The following PCCA variants were observed in gnomAD, a reference collection of about 807,000 sequenced individuals.
The protein encoded by PCCA is propionyl-CoA carboxylase alpha chain, mitochondrial.
In PCCA, 74 loss-of-function variants were observed where a neutral mutation model predicts 101.3. The ratio of observed to expected loss-of-function variants is 0.73; its 90% CI spans 0.61 to 0.89. The LOEUF is 0.89. Ranked by LOEUF, PCCA falls within the 40% of genes least tolerant of loss-of-function variation. PCCA has a pLI of 0.00. For missense variants in PCCA, 891 were observed against 907.0 expected (o/e 0.98, Z 0.23); for synonymous variants, 294 against 313.6 (o/e 0.94, Z 0.66).
At chr13:100,158,325 T>C (rs914030230) in intron 6 of PCCA, among the ~76,000 whole-genome samples, 13 of 152,248 alleles carry the variant, frequency 8.5e-5, no homozygotes, top group African/African-American at 3.1e-4. Flanking sequence ...CTTCCACGGA[T>C]TGGAAATTAT....
intron 12 of PCCA, among the ~76,000 whole-genome samples, chr13:100,277,829 A>C (rs2063774551): frequency 6.6e-6 from 1 of 152,212 alleles, no homozygotes. Flanking sequence ...TCACATGAAT[A>C]TAATCACCAA....
intron 19 of PCCA, among the ~76,000 whole-genome samples, chr13:100,372,964 G>A (rs1389495146): frequency 6.6e-6 from 1 of 151,998 alleles, no homozygotes; most frequent in African/African-American, 2.4e-5. Flanking sequence ...GGCTGGTCTC[G>A]AACTCCTGAC....
chr13:100,097,620 G>C (rs2046888766), intron 1 of PCCA, among the ~76,000 whole-genome samples: 1 of 152,212 alleles, frequency 6.6e-6, no homozygotes, highest in African/African-American at 2.4e-5. Context: ...TCGGGAGGCT[G>C]AGACGGGAGA....
intron 1 of PCCA, among the ~76,000 whole-genome samples, chr13:100,102,341 C>T (rs563244698): frequency 5.3e-5 from 8 of 152,224 alleles, no homozygotes; most frequent in East Asian, 1.9e-4. Flanking sequence ...CATTAAGATA[C>T]GCTTTCTTCA....
At chr13:100,410,204 T>A (rs2077950088) in intron 19 of PCCA, among the ~76,000 whole-genome samples, 1 of 152,178 alleles carries the variant, frequency 6.6e-6, no homozygotes, top group Admixed American at 6.5e-5. Flanking sequence ...TTTCCTTAAT[T>A]TTTTGCCAGG....
Position 100,330,686 on chromosome 13 carries a change from A to T in PCCA, c.1540+15A>T, listed in dbSNP as rs372830595. On this transcript the variant is annotated intron_variant, in intron 17 of 23. Transcript: ENST00000376285. ...TGGCTTCAAAGGTTTGTATGCATTA[A>T]AATATTTTAGTGTTTTAAAGTTGTT... 1 of 1,402,388 alleles carries T rather than the reference A, an allele frequency of 7.1e-7. No homozygotes were observed. Among genetic ancestry groups the T allele is most frequent in the Non-Finnish European group, 1.0e-6 (1 of 987,168 alleles). The allele number at this position is 1,402,388 out of a possible 1,614,324, so 86.9% of individuals were successfully genotyped here.
intron 16 of PCCA, among the ~76,000 whole-genome samples, chr13:100,320,411 A>G (rs2067895246): frequency 2.0e-5 from 3 of 152,228 alleles, no homozygotes; most frequent in South Asian, 2.1e-4. Context: ...CCAGTTTTCA[A>G]AGGGAATGCT....
chr13:100,330,777 T>C, intron 17 of PCCA, 106 bp downstream of exon 17: 1 of 707,594 alleles, frequency 1.4e-6, no homozygotes, highest in Non-Finnish European at 2.5e-6. Flanking sequence ...TTGGCTTATA[T>C]TATACTTCAT....
chr13:100,476,929 C>T (rs945657266), intron 21 of PCCA, among the ~76,000 whole-genome samples: 4 of 152,188 alleles, frequency 2.6e-5, no homozygotes, highest in African/African-American at 9.7e-5. Flanking sequence ...TCACTTTATT[C>T]TGCCATATTT....
intron 20 of PCCA, among the ~76,000 whole-genome samples, chr13:100,439,137 C>G (rs921335536): frequency 6.6e-6 from 1 of 152,150 alleles, no homozygotes; most frequent in African/African-American, 2.4e-5. Context: ...CACTCACAGG[C>G]AAAATTTTTT....
intron 19 of PCCA, among the ~76,000 whole-genome samples, chr13:100,424,663 T>A (rs2079026908): frequency 6.6e-6 from 1 of 152,164 alleles, no homozygotes; most frequent in African/African-American, 2.4e-5. Flanking sequence ...CTTTGTCCAC[T>A]GCCACCCCCG....
chr13:100,179,709 ACAAT>A (rs2056611524), intron 6 of PCCA, among the ~76,000 whole-genome samples: 1 of 103,304 alleles, frequency 9.7e-6, no homozygotes, highest in Non-Finnish European at 2.2e-5. Context: ...TCCTCTTCCC[ACAAT>A]GGTTTATTTT....
chr13:100,286,314 G>T (rs929222154), intron 12 of PCCA, among the ~76,000 whole-genome samples: 4 of 152,180 alleles, frequency 2.6e-5, no homozygotes, highest in Non-Finnish European at 4.4e-5. Flanking sequence ...GGGAGGGGAA[G>T]GGGTTCTTAT....
At chr13:100,114,743 C>G (rs935479509) in intron 4 of PCCA, among the ~76,000 whole-genome samples, 1 of 152,120 alleles carries the variant, frequency 6.6e-6, no homozygotes, top group African/African-American at 2.4e-5. Context: ...AAAATCTTAC[C>G]CCGGTTAAAA....
At chr13:100,281,543 T>G (rs1275613411) in intron 12 of PCCA, among the ~76,000 whole-genome samples, 2 of 152,162 alleles carry the variant, frequency 1.3e-5, no homozygotes, top group African/African-American at 4.8e-5. Context: ...TAATTTTAGT[T>G]TCTTATTTTG....
chr13:100,330,804 A>C (rs2069441162), intron 17 of PCCA, 133 bp downstream of exon 17: 1 of 653,206 alleles, frequency 1.5e-6, no homozygotes, highest in Non-Finnish European at 2.7e-6. Context: ...AACATGCAAG[A>C]CTGTTTACAT....
At chr13:100,408,162 A>T (rs777605823) in intron 19 of PCCA, among the ~76,000 whole-genome samples, 49 of 152,340 alleles carry the variant, frequency 3.2e-4, no homozygotes, top group Non-Finnish European at 6.6e-4. Context: ...AAACAAACAA[A>T]CAAACTTGAT....
At chr13:100,190,806 A>G (rs887597859) in intron 6 of PCCA, among the ~76,000 whole-genome samples, 3 of 151,640 alleles carry the variant, frequency 2.0e-5, no homozygotes, top group Admixed American at 2.0e-4. Flanking sequence ...TACAAAAAGT[A>G]AGAAAAAGGG....
chr13:100,384,248 A>C (rs188662491), intron 19 of PCCA, among the ~76,000 whole-genome samples: 321 of 152,016 alleles, frequency 2.1e-3, no homozygotes, highest in African/African-American at 6.8e-3. Context: ...CTGATCTCGA[A>C]CTCCTCACCT....
Sources: gnomAD v4.1 joint callset for allele counts (sites outside exome capture counted in the v4.1 genomes callset) on GRCh38, gnomAD v4.1.1 for gene constraint, MANE v1.5 for transcripts, NCBI Gene and HGNC (gene_info 2026-07-23, HGNC 2026-07-21) for gene names.